The following LETMD1 variants were observed in gnomAD, a reference collection of about 807,000 sequenced individuals.
LETMD1 encodes the protein LETM1 domain-containing protein 1.
Under a neutral mutation model 43.9 loss-of-function variants are expected in LETMD1, and 30 were observed. The observed-to-expected ratio is 0.68, with a 90% confidence interval of 0.51 to 0.93. The LOEUF (loss-of-function observed/expected upper bound fraction) is 0.93. LETMD1 is among the 40% of genes least tolerant of loss of function. The pLI, the probability that LETMD1 is intolerant of heterozygous loss-of-function variation, is 0.00. For missense variants in LETMD1, 413 were observed against 447.7 expected, an observed-to-expected ratio of 0.92 and a Z score of 0.70; for synonymous variants, 176 against 163.1, an observed-to-expected ratio of 1.08 and a Z score of -0.60.
At chr12:51,064,568 G>C (rs748464053), downstream of LETMD1, 38 of 1,612,370 alleles carry the variant, frequency 2.4e-5, no homozygotes, top group Non-Finnish European at 2.8e-5. Context: ...TAATGGTGTG[G>C]AGGTAATGAG....
chr12:51,051,201 T>G (rs1443999932), intron 2 of LETMD1, among the ~76,000 whole-genome samples: 1 of 148,606 alleles, frequency 6.7e-6, no homozygotes, highest in African/African-American at 2.5e-5. Context: ...GTCAGGAGTT[T>G]GAGACCAGCC....
chr12:51,055,596 T>C, intron 4 of LETMD1: 1 of 362,062 alleles, frequency 2.8e-6, no homozygotes, highest in East Asian at 4.8e-5. Context: ...GCCTAGGAGG[T>C]CGAGGCTGCA....
In LETMD1 at chr12:51,053,760, G is replaced by A. The variant is rs1946838876; in HGVS notation, c.391-18G>A. On this transcript the variant is annotated intron_variant, in intron 3 of 8. Transcript: ENST00000262055. ...ACTTATTTGGGTTAAAACTGCATCT[G>A]TGTTTATTTCTGCTTAGTTCCGCCA... The A allele has an allele frequency of 2.5e-6, 4 of 1,580,878 alleles. No homozygotes were observed. The highest frequency in any genetic ancestry group is 3.5e-6 in the Non-Finnish European group (4 of 1,152,264).
chr12:51,055,119 A>G (rs1308717073), intron 4 of LETMD1, among the ~76,000 whole-genome samples: 1 of 152,098 alleles, frequency 6.6e-6, no homozygotes, highest in East Asian at 1.9e-4. Flanking sequence ...ACAACAAATC[A>G]GTTGCCTTTT....
chr12:51,058,242 CT>C, intron 8 of LETMD1, 114 bp downstream of exon 8: 1 of 705,874 alleles, frequency 1.4e-6, no homozygotes, highest in Admixed American at 2.2e-5. Flanking sequence ...ATACATACAT[CT>C]AATTGAAAGG....
downstream of LETMD1, among the ~76,000 whole-genome samples, chr12:51,065,111 C>A (rs1034988021): frequency 3.3e-5 from 5 of 152,158 alleles, no homozygotes; most frequent in Admixed American, 6.5e-5. Flanking sequence ...CTATGGCCTG[C>A]AATGACAGGC....
chr12:51,064,759 G>C, downstream of LETMD1: 1 of 1,178,138 alleles, frequency 8.5e-7, no homozygotes, highest in Non-Finnish European at 1.2e-6. Context: ...AGGCAGTTGG[G>C]ATTTGAGGTC....
At chr12:51,064,165 T>C (rs769580247), downstream of LETMD1, 1 of 1,614,008 alleles carries the variant, frequency 6.2e-7, no homozygotes, top group African/African-American at 1.3e-5. Flanking sequence ...CTGTTCACCG[T>C]TGAGGCAGTT....
Position 51,056,195 on chromosome 12 carries a change from T to A in LETMD1, c.712T>A (p.Cys238Ser), listed in dbSNP as rs1256372448. Residue 238 changes from cysteine to serine, a missense_variant, in exon 6 of 9, where the codon TGT becomes AGT. Coordinates refer to ENST00000262055, the MANE Select transcript of LETMD1 (RefSeq NM_015416.5). ...AIHDILALRE[C>S]FSNHPLGMNQ... ...ACATGATATCTTGGCTCTGAGAGAGTGTTTCTCTAACCATCCTCTGGGCAT... is the reference window on the plus strand; with the variant it reads ...ACATGATATCTTGGCTCTGAGAGAGAGTTTCTCTAACCATCCTCTGGGCAT... 1.2e-6 allele frequency: 2 copies of A among 1,614,142 alleles called. No homozygotes were observed. The highest frequency in any genetic ancestry group is 1.1e-5 in the South Asian group (1 of 91,076).
At chr12:51,052,843 C>T (rs1189522147) in intron 3 of LETMD1, among the ~76,000 whole-genome samples, 5 of 151,792 alleles carry the variant, frequency 3.3e-5, no homozygotes, top group Admixed American at 1.3e-4. Flanking sequence ...CAGTGGCTCT[C>T]GCCTATAATC....
In LETMD1 at chr12:51,056,401, T is replaced by C. The variant is rs117133920; in HGVS notation, c.814T>C (p.Leu272=). 2.0e-5 allele frequency: 32 copies of C among 1,614,226 alleles called. No homozygotes were observed. Among genetic ancestry groups the C allele is most frequent in the Non-Finnish European group, 2.7e-5 (32 of 1,180,044 alleles). The change falls in exon 7 of 9, where the codon TTG becomes CTG. Residue 272 remains leucine, a synonymous_variant. Coordinates refer to ENST00000262055, the MANE Select transcript of LETMD1 (RefSeq NM_015416.5). ...LLTSYLPPPL[L]RHRLKTHTTV... ...CACATCTTACCTGCCTCCTCCCTTG[T>C]TGAGACATCGTTTGAAGACTCATAC...
At chr12:51,068,341 A>C in the LETMD1 span, among the ~76,000 whole-genome samples, 1 of 152,110 alleles carries the variant, frequency 6.6e-6, no homozygotes, top group African/African-American at 2.4e-5. Context: ...CAGTAAAGAC[A>C]GGGTTTCACT....
intron 3 of LETMD1, 32 bp downstream of exon 3, chr12:51,052,239 A>G: frequency 2.5e-6 from 4 of 1,610,708 alleles, no homozygotes; most frequent in Non-Finnish European, 3.4e-6. Flanking sequence ...CCAGAAGTTC[A>G]TGGTGAGGTA....
chr12:51,056,994 C>G (rs1465555771), intron 7 of LETMD1: 2 of 155,882 alleles, frequency 1.3e-5, no homozygotes, highest in Admixed American at 6.5e-5. Context: ...TCTTGAACTC[C>G]TGGCCTCAAG....
chr12:51,064,340 A>T (rs756528215), downstream of LETMD1: 7 of 1,614,044 alleles, frequency 4.3e-6, no homozygotes, highest in South Asian at 7.7e-5. Context: ...CCAGGCTGGC[A>T]CTAGAGCCGC....
intron 3 of LETMD1, among the ~76,000 whole-genome samples, chr12:51,052,559 G>C (rs1946463316): frequency 6.6e-6 from 1 of 152,320 alleles, no homozygotes; most frequent in Admixed American, 6.5e-5. Flanking sequence ...GAGGCAGGCA[G>C]ATCACGAAGT....
At chr12:51,066,619 CGACAGAACGAGACTCCG>C in the LETMD1 span, among the ~76,000 whole-genome samples, 1 of 139,442 alleles carries the variant, frequency 7.2e-6, no homozygotes, top group Non-Finnish European at 1.5e-5. Flanking sequence ...CCAGCCTGGG[CGACAGAACGAGACTCCG>C]TCTCAAAAAA....
At chr12:51,054,797 A>C (rs1162546306) in intron 4 of LETMD1, among the ~76,000 whole-genome samples, 1 of 152,172 alleles carries the variant, frequency 6.6e-6, no homozygotes, top group Non-Finnish European at 1.5e-5. Context: ...CACGTAGATA[A>C]ATAAATTAAA....
At chr12:51,064,532 C>T (rs1421373067), downstream of LETMD1, 5 of 1,613,428 alleles carry the variant, frequency 3.1e-6, no homozygotes, top group Middle Eastern at 1.7e-4. Flanking sequence ...GGCTCACCTG[C>T]CGCTTGCTCT....
Sources: allele counts gnomAD v4.1 joint callset (sites outside exome capture counted in the v4.1 genomes callset), GRCh38; gene constraint gnomAD v4.1.1; transcripts MANE v1.5; gene names NCBI Gene and HGNC (gene_info 2026-07-23, HGNC 2026-07-21).